The following COL26A1 variants were observed in gnomAD, a reference collection of about 807,000 sequenced individuals.
COL26A1 encodes the protein collagen alpha-1(XXVI) chain.
In COL26A1, 41 loss-of-function variants were observed where a neutral mutation model predicts 59.3. The observed-to-expected ratio is 0.69, with a 90% confidence interval of 0.54 to 0.90. The LOEUF (loss-of-function observed/expected upper bound fraction) is 0.90, where lower values mean the gene tolerates loss of function less well. Ranked by LOEUF, COL26A1 falls within the 40% of genes least tolerant of loss-of-function variation. The pLI, the probability that COL26A1 is intolerant of heterozygous loss-of-function variation, is 0.00. For missense variants in COL26A1, 612 were observed against 602.3 expected (o/e 1.02, Z -0.17); for synonymous variants, 266 against 256.0 (o/e 1.04, Z -0.37).
chr7:101,495,251 T>G (rs1232182683), intron 3 of COL26A1, among the ~76,000 whole-genome samples: 1 of 152,130 alleles, frequency 6.6e-6, no homozygotes, highest in Non-Finnish European at 1.5e-5. Context: ...GCAGAACAGG[T>G]GCTGGAGACC....
chr7:101,383,745 G>A (rs1341912123), intron 1 of COL26A1, among the ~76,000 whole-genome samples: 1 of 152,144 alleles, frequency 6.6e-6, no homozygotes, highest in Non-Finnish European at 1.5e-5. Context: ...ATGTTGGCCA[G>A]GCTAGTCTTG....
chr7:101,513,178 T>G (rs1259687020), intron 3 of COL26A1, among the ~76,000 whole-genome samples: 1 of 151,754 alleles, frequency 6.6e-6, no homozygotes, highest in Non-Finnish European at 1.5e-5. Context: ...GGCTAATTTT[T>G]TTGTATTTTT....
At chr7:101,467,165 A>G (rs1425566713) in intron 3 of COL26A1, among the ~76,000 whole-genome samples, 1 of 152,036 alleles carries the variant, frequency 6.6e-6, no homozygotes, top group Non-Finnish European at 1.5e-5. Context: ...CTTTTGAAGC[A>G]GCATTATTGT....
At chr7:101,553,276 A>C (rs753286681) in intron 10 of COL26A1, 50 bp from the exon 11 acceptor site, 3 of 1,542,842 alleles carry the variant, frequency 1.9e-6, no homozygotes, top group Non-Finnish European at 2.7e-6. Context: ...GAGGGTGGAG[A>C]GGTGCCCCCA....
Position 101,438,238 on chromosome 7 carries a change from G to A in COL26A1, c.282-9446G>A, listed in dbSNP as rs182330132. On this transcript the variant is annotated intron_variant, in intron 2 of 12. Transcript: ENST00000313669. Reference sequence around the variant, plus strand: ...TAGCCAGGCGTGGTGGTGCATGCCTGTAATCCTAGCTACTCGGGAGACTGA... The same window carrying A: ...TAGCCAGGCGTGGTGGTGCATGCCTATAATCCTAGCTACTCGGGAGACTGA... Among the ~76,000 whole-genome samples the A allele has an allele frequency of 5.3e-5, 8 of 151,592 alleles. No homozygotes were observed. In the East Asian group the frequency reaches 1.5e-3, roughly 29 times the overall value.
chr7:101,508,166 T>G (rs983802785), intron 3 of COL26A1, among the ~76,000 whole-genome samples: 7 of 152,096 alleles, frequency 4.6e-5, no homozygotes, highest in African/African-American at 7.2e-5. Context: ...CACTGGAGCA[T>G]GGAGGTGGAG....
Position 101,543,999 on chromosome 7 carries a change from G to GC in COL26A1, c.611dup (p.Gln206AlafsTer14). On this transcript the variant is annotated frameshift_variant and splice_region_variant, in exon 6 of 13. Transcript: ENST00000313669. LOFTEE classifies it high-confidence loss of function. Reference sequence around the variant, plus strand: ...TGCCCTGTCTCCTTCTCTCCCCAGGGCCCCCGGGGCAGACAGGACCACCAG... The same window carrying GC: ...TGCCCTGTCTCCTTCTCTCCCCAGGGCCCCCCGGGGCAGACAGGACCACCAG... The GC allele has an allele frequency of 1.3e-6, 2 of 1,561,880 alleles. No homozygotes were observed. The highest frequency in any genetic ancestry group is 8.7e-7 in the Non-Finnish European group (1 of 1,153,204).
At chr7:101,462,746 G>C (rs1455238795) in intron 3 of COL26A1, among the ~76,000 whole-genome samples, 2 of 152,120 alleles carry the variant, frequency 1.3e-5, no homozygotes, top group Non-Finnish European at 1.5e-5. Context: ...GAGCTCAGTA[G>C]CTGGCAGGGC....
intron 2 of COL26A1, among the ~76,000 whole-genome samples, chr7:101,425,050 G>A (rs1792611240): frequency 6.6e-6 from 1 of 152,056 alleles, no homozygotes; most frequent in Non-Finnish European, 1.5e-5. Context: ...AGCCTCCTGA[G>A]TAGCTGGGAC....
Position 101,363,000 on chromosome 7 carries a change from G to T in COL26A1, c.-33G>T, listed in dbSNP as rs1010517199. 1.3e-6 allele frequency: 2 copies of T among 1,552,154 alleles called. No individual in the cohort carries two copies. The highest frequency in any genetic ancestry group is 2.5e-5 in the East Asian group (1 of 40,814). ...TGCGCTCCTGCCGGTCCTCGTGCCC[G>T]GGACTCCGGGTCCCCGCGGGCTGCT... On this transcript the variant is annotated 5_prime_UTR_variant, in exon 1 of 13. Transcript: ENST00000313669.
intron 1 of COL26A1, among the ~76,000 whole-genome samples, chr7:101,375,210 A>C (rs1453507807): frequency 6.6e-6 from 1 of 152,036 alleles, no homozygotes; most frequent in Non-Finnish European, 1.5e-5. Flanking sequence ...TCATCTATAA[A>C]ATGGGTATGA....
chr7:101,401,570 GAGGAGGAGGAAA>G (rs1033004682), intron 1 of COL26A1, among the ~76,000 whole-genome samples: 22 of 136,576 alleles, frequency 1.6e-4, no homozygotes, highest in Middle Eastern at 3.7e-3. Context: ...AGAAGAGAAA[GAGGAGGAGGAAA>G]AGGAGGAGGA....
chr7:101,543,994 C>A lies in COL26A1; in HGVS notation c.605-4C>A. 1 of 1,556,040 alleles carries A rather than the reference C, an allele frequency of 6.4e-7. No individual in the cohort carries two copies. Among genetic ancestry groups the A allele is most frequent in the Non-Finnish European group, 8.7e-7 (1 of 1,149,024 alleles). ...TCTGATGCCCTGTCTCCTTCTCTCC[C>A]CAGGGCCCCCGGGGCAGACAGGACC... On this transcript the variant is annotated splice_polypyrimidine_tract_variant and splice_region_variant and intron_variant, in intron 5 of 12. Transcript: ENST00000313669.
At chr7:101,470,106 G>GTT (rs1414523604) in intron 3 of COL26A1, among the ~76,000 whole-genome samples, 1 of 143,638 alleles carries the variant, frequency 7.0e-6, no homozygotes, top group Admixed American at 7.1e-5. Flanking sequence ...CTTTTTTTTT[G>GTT]TTTTTTTTTT....
chr7:101,498,745 G>T (rs555139800), intron 3 of COL26A1, among the ~76,000 whole-genome samples: 2 of 152,294 alleles, frequency 1.3e-5, no homozygotes, highest in East Asian at 1.9e-4. Flanking sequence ...CATGTATGTT[G>T]CAGGCTTTGG....
chr7:101,367,669 AAGAAAAAAAAAAAAAAAAAG>A (rs1333344224), intron 1 of COL26A1, among the ~76,000 whole-genome samples: 2 of 93,814 alleles, frequency 2.1e-5, no homozygotes. Context: ...TGTCTCAAAA[AAGAAAAAAAAAAAAAAAAAG>A]AAGAAGAGAA....
At chr7:101,394,580 CTTTTCTTTTTTT>C (rs1008197020) in intron 1 of COL26A1, among the ~76,000 whole-genome samples, 6 of 116,406 alleles carry the variant, frequency 5.2e-5, no homozygotes, top group African/African-American at 1.8e-4. Context: ...CTATTTTTTT[CTTTTCTTTTTTT>C]TTTTTTTTTT....
chr7:101,387,960 G>T (rs1791633621), intron 1 of COL26A1, among the ~76,000 whole-genome samples: 1 of 150,244 alleles, frequency 6.7e-6, no homozygotes, highest in South Asian at 2.1e-4. Context: ...TTAAAGAGGG[G>T]TTTCACCATG....
chr7:101,395,647 A>G (rs1402561457), intron 1 of COL26A1, among the ~76,000 whole-genome samples: 2 of 152,182 alleles, frequency 1.3e-5, no homozygotes, highest in African/African-American at 4.8e-5. Flanking sequence ...GAGAGTTGCA[A>G]TTCTTTTGCG....
Sources: allele counts gnomAD v4.1 joint callset (sites outside exome capture counted in the v4.1 genomes callset), GRCh38; gene constraint gnomAD v4.1.1; transcripts MANE v1.5; gene names NCBI Gene and HGNC (gene_info 2026-07-23, HGNC 2026-07-21).